KCNN3: variants seen among roughly 807,000 people sequenced by gnomAD.
KCNN3 encodes the protein potassium calcium-activated channel subfamily N member 3.
Under a neutral mutation model 62.9 loss-of-function variants are expected in KCNN3, and 16 were observed. That is an observed-to-expected ratio of 0.25 (90% CI 0.17 to 0.39). The LOEUF is 0.39. Among genes scored for constraint, KCNN3 ranks in the 10% least tolerant of loss-of-function variants. KCNN3 has a pLI of 1.00. For missense variants in KCNN3, 599 were observed against 949.4 expected (o/e 0.63, Z 4.85); for synonymous variants, 370 against 389.2 (o/e 0.95, Z 0.58).
intron 2 of KCNN3, among the ~76,000 whole-genome samples, chr1:154,807,773 C>G (rs1359423402): frequency 2.6e-5 from 4 of 152,220 alleles, no homozygotes; most frequent in Non-Finnish European, 5.9e-5. Context: ...GGGCTGCCCT[C>G]AAGCCCTGGC....
chr1:154,845,510 T>G (rs1652018506), intron 1 of KCNN3, among the ~76,000 whole-genome samples: 1 of 152,186 alleles, frequency 6.6e-6, no homozygotes, highest in Non-Finnish European at 1.5e-5. Flanking sequence ...CTTTTCTCAC[T>G]GCGGGGGCCC....
chr1:154,847,968 C>G (rs1218557), intron 1 of KCNN3, among the ~76,000 whole-genome samples: 137,960 of 152,216 alleles, frequency 0.91, 63,213 homozygotes, highest in East Asian at 1. Context: ...GTAGCCGGCT[C>G]CAGCACGCTG....
chr1:154,812,255 CTTT>C (rs963745903), intron 2 of KCNN3, among the ~76,000 whole-genome samples: 1 of 151,562 alleles, frequency 6.6e-6, no homozygotes, highest in Non-Finnish European at 1.5e-5. Context: ...ACAGAATATT[CTTT>C]TTTTTTCTTT....
At chr1:154,727,116 C>T (rs1700486566) in intron 4 of KCNN3, among the ~76,000 whole-genome samples, 1 of 152,256 alleles carries the variant, frequency 6.6e-6, no homozygotes, top group African/African-American at 2.4e-5. Context: ...CTCCATCCTT[C>T]TGCAAGCGGA....
chr1:154,741,991 C>T (rs747525912), intron 3 of KCNN3, among the ~76,000 whole-genome samples: 1 of 152,278 alleles, frequency 6.6e-6, no homozygotes, highest in African/African-American at 2.4e-5. Context: ...CTGGCGGCCT[C>T]TGACCCCACC....
At position 154,725,908 on chromosome 1, in the gene KCNN3, C is replaced by T. The variant is rs774088322; in HGVS notation, c.1701+8G>A. 4 of 1,607,452 alleles carry T rather than the reference C, an allele frequency of 2.5e-6. No individual in the cohort carries two copies. Among genetic ancestry groups the T allele is most frequent in the Non-Finnish European group, 3.4e-6 (4 of 1,174,062 alleles). On this transcript the variant is annotated splice_region_variant and intron_variant, in intron 5 of 7. Coordinates refer to ENST00000271915, the MANE Select transcript of KCNN3 (RefSeq NM_002249.6). The stretch of plus-strand genomic sequence containing the variant: ...TCCCCCATAAGACATGGCTGTGTGG[C>T]ATCTTACCCGCTTGGTGAGCTGAGT...
intron 2 of KCNN3, among the ~76,000 whole-genome samples, chr1:154,808,990 C>T (rs901109700): frequency 6.6e-6 from 1 of 152,162 alleles, no homozygotes. Flanking sequence ...GGCTGCTCTG[C>T]GCCCACTGGA....
At chr1:154,825,154 G>A (rs1479771235) in intron 1 of KCNN3, among the ~76,000 whole-genome samples, 1 of 152,064 alleles carries the variant, frequency 6.6e-6, no homozygotes, top group Non-Finnish European at 1.5e-5. Context: ...AGTGACACCG[G>A]GCTGCCATAC....
At chr1:154,796,125 G>C (rs946187272) in intron 2 of KCNN3, among the ~76,000 whole-genome samples, 1 of 152,216 alleles carries the variant, frequency 6.6e-6, no homozygotes, top group Admixed American at 6.5e-5. Flanking sequence ...CTGGTGTTGG[G>C]GGATGAGTGG....
chr1:154,853,431 G>A (rs1471364167), intron 1 of KCNN3, among the ~76,000 whole-genome samples: 2 of 152,168 alleles, frequency 1.3e-5, no homozygotes, highest in Non-Finnish European at 1.5e-5. Flanking sequence ...GACCTCCTGG[G>A]CTCAAGCGAT....
chr1:154,842,761 T>A (rs1027967009), intron 1 of KCNN3, among the ~76,000 whole-genome samples: 1 of 152,040 alleles, frequency 6.6e-6, no homozygotes, highest in African/African-American at 2.4e-5. Context: ...GTGCTCACCA[T>A]CTGTTTACAC....
chr1:154,708,378 C>T (rs1171766676), intron 7 of KCNN3, 106 bp from the exon 8 acceptor site: 4 of 1,100,830 alleles, frequency 3.6e-6, no homozygotes, highest in Non-Finnish European at 4.1e-6. Flanking sequence ...GGAGCCACTT[C>T]CACACCAGCT....
intron 1 of KCNN3, among the ~76,000 whole-genome samples, chr1:154,833,267 T>C (rs1310025831): frequency 6.6e-6 from 1 of 152,118 alleles, no homozygotes; most frequent in African/African-American, 2.4e-5. Context: ...ACCCCGGCAA[T>C]GTTTGGGCCA....
At chr1:154,724,209 C>T (rs568454603) in intron 5 of KCNN3, among the ~76,000 whole-genome samples, 7 of 152,318 alleles carry the variant, frequency 4.6e-5, no homozygotes, top group Middle Eastern at 3.4e-3. Flanking sequence ...AGGCCTTGGC[C>T]GCTGCACACT....
chr1:154,826,071 AAAC>A lies in KCNN3; in HGVS notation c.934-3890_934-3888del, dbSNP rs778360660. ...TAAAAAAAAACAAAAACAAAAACAAAAACAAAAACAAAAACAAAAAAAACCAAA... is the reference window on the plus strand; with the variant it reads ...TAAAAAAAAACAAAAACAAAAACAAAAAAAACAAAAACAAAAAAAACCAAA... On this transcript the variant is annotated intron_variant, in intron 1 of 7. Transcript: ENST00000271915. 9.1e-4 allele frequency among the ~76,000 whole-genome samples: 18 copies of A among 19,736 alleles called. 1 individual carries two copies. Among genetic ancestry groups the A allele is most frequent in the Admixed American group, 6.5e-3 (7 of 1,076 alleles). 12.9% of individuals were successfully genotyped at this position (19,736 alleles called of 152,430 possible). A position where few individuals can be genotyped will look rare whatever the true frequency, so the allele number is the denominator to read the frequency against.
chr1:154,865,704 C>T, intron 1 of KCNN3, among the ~76,000 whole-genome samples: 1 of 152,146 alleles, frequency 6.6e-6, no homozygotes, highest in Non-Finnish European at 1.5e-5. Flanking sequence ...GCCTGCATGA[C>T]AAGTTACTTC....
intron 2 of KCNN3, among the ~76,000 whole-genome samples, chr1:154,801,174 C>G (rs887922043): frequency 2.0e-5 from 3 of 152,064 alleles, no homozygotes; most frequent in African/African-American, 7.2e-5. Flanking sequence ...GGAGGCCGTT[C>G]AATTTTACCT....
chr1:154,711,367 T>G (rs1700070923), intron 7 of KCNN3, among the ~76,000 whole-genome samples: 1 of 133,670 alleles, frequency 7.5e-6, no homozygotes, highest in African/African-American at 2.7e-5. Context: ...GGGGGAGGGA[T>G]AGCATTAGGA....
chr1:154,748,298 C>A (rs887564760), intron 3 of KCNN3, among the ~76,000 whole-genome samples: 1 of 152,156 alleles, frequency 6.6e-6, no homozygotes, highest in African/African-American at 2.4e-5. Flanking sequence ...CCCGCGCCTG[C>A]AAGCTTTCTC....
Sources: allele counts gnomAD v4.1 joint callset (sites outside exome capture counted in the v4.1 genomes callset), GRCh38; gene constraint gnomAD v4.1.1; transcripts MANE v1.5; gene names NCBI Gene and HGNC (gene_info 2026-07-23, HGNC 2026-07-21).